Variants in SPOCK3 observed in about 807,000 individuals in gnomAD.
SPOCK3 encodes SPARC (osteonectin), cwcv and kazal like domains proteoglycan 3, also known as testican-3.
Under a neutral mutation model 56.6 loss-of-function variants are expected in SPOCK3, and 30 were observed. That is an observed-to-expected ratio of 0.53 (90% CI 0.40 to 0.72). SPOCK3 has a LOEUF of 0.72. Among genes scored for constraint, SPOCK3 ranks in the 30% least tolerant of loss-of-function variants. SPOCK3 has a pLI of 0.00. For missense variants in SPOCK3, 527 were observed against 530.0 expected, an observed-to-expected ratio of 0.99 and a Z score of 0.06; for synonymous variants, 196 against 183.3, an observed-to-expected ratio of 1.07 and a Z score of -0.56.
intron 6 of SPOCK3, among the ~76,000 whole-genome samples, chr4:166,871,255 T>A (rs1193036017): frequency 3.3e-5 from 5 of 151,766 alleles, no homozygotes; most frequent in Admixed American, 3.3e-4. Context: ...ATAAATAAAA[T>A]CAATGAAACC....
intron 7 of SPOCK3, among the ~76,000 whole-genome samples, 197 bp downstream of exon 7, chr4:166,791,973 C>T (rs552686063): frequency 6.6e-6 from 1 of 152,236 alleles, no homozygotes; most frequent in Non-Finnish European, 1.5e-5. Context: ...TTCCCTTTTC[C>T]TCCAATAAGA....
At chr4:166,915,636 T>C (rs974236888) in intron 4 of SPOCK3, among the ~76,000 whole-genome samples, 9 of 152,112 alleles carry the variant, frequency 5.9e-5, no homozygotes, top group African/African-American at 2.2e-4. Context: ...AGTCATTGTA[T>C]AGGTGAAGAT....
chr4:166,846,741 A>T (rs1748100874), intron 6 of SPOCK3, among the ~76,000 whole-genome samples: 1 of 152,246 alleles, frequency 6.6e-6, no homozygotes, highest in Non-Finnish European at 1.5e-5. Flanking sequence ...ATTTGGGTGT[A>T]ATTTCTTAGG....
chr4:166,976,556 CCTTT>C (rs1024879580), intron 4 of SPOCK3, among the ~76,000 whole-genome samples: 1 of 152,128 alleles, frequency 6.6e-6, no homozygotes, highest in African/African-American at 2.4e-5. Flanking sequence ...CAACCTACTT[CCTTT>C]CTTTATTTAG....
intron 3 of SPOCK3, among the ~76,000 whole-genome samples, chr4:167,057,515 C>T (rs896563695): frequency 6.6e-6 from 1 of 151,800 alleles, no homozygotes; most frequent in Non-Finnish European, 1.5e-5. Flanking sequence ...AGTCAAGACC[C>T]ATCAGTGTGC....
chr4:166,872,445 T>G (rs1049201856), intron 6 of SPOCK3, among the ~76,000 whole-genome samples: 8 of 152,102 alleles, frequency 5.3e-5, no homozygotes, highest in African/African-American at 1.9e-4. Flanking sequence ...AAAAACAAAC[T>G]ATACATATGG....
chr4:167,232,617 T>C (rs1383880933), intron 2 of SPOCK3, among the ~76,000 whole-genome samples: 1 of 152,220 alleles, frequency 6.6e-6, no homozygotes, highest in African/African-American at 2.4e-5. Flanking sequence ...TCCTTTTTGC[T>C]TGTACTCAAT....
At chr4:167,022,699 G>A (rs1751306903) in intron 3 of SPOCK3, among the ~76,000 whole-genome samples, 1 of 152,034 alleles carries the variant, frequency 6.6e-6, no homozygotes, top group African/African-American at 2.4e-5. Context: ...AATCCTATTA[G>A]AGTTTAGGGC....
At chr4:167,105,463 T>TAAAAAAAAAAAAAAAAAAAAAATAA (rs552028589) in intron 2 of SPOCK3, among the ~76,000 whole-genome samples, 1 of 98,684 alleles carries the variant, frequency 1.0e-5, no homozygotes, top group Non-Finnish European at 2.0e-5. Context: ...ACACAAAAAT[T>TAAAAAAAAAAAAAAAAAAAAAATAA]AAAAAAAAAA....
chr4:167,183,614 T>C (rs1177109817), intron 2 of SPOCK3, among the ~76,000 whole-genome samples: 1 of 152,224 alleles, frequency 6.6e-6, no homozygotes, highest in African/African-American at 2.4e-5. Flanking sequence ...GTGATATTCA[T>C]TGATGTTAGC....
At chr4:167,034,897 C>T (rs1752603219) in intron 3 of SPOCK3, among the ~76,000 whole-genome samples, 1 of 152,104 alleles carries the variant, frequency 6.6e-6, no homozygotes, top group Non-Finnish European at 1.5e-5. Flanking sequence ...TTTTGAGACT[C>T]TTCCTGTGTT....
intron 4 of SPOCK3, among the ~76,000 whole-genome samples, chr4:166,927,325 A>C (rs1302413040): frequency 1.3e-5 from 2 of 152,114 alleles, no homozygotes; most frequent in African/African-American, 4.8e-5. Flanking sequence ...TTCCTGTGGT[A>C]GTTCATGTGG....
At chr4:166,920,246 A>G (rs1215662661) in intron 4 of SPOCK3, among the ~76,000 whole-genome samples, 1 of 152,174 alleles carries the variant, frequency 6.6e-6, no homozygotes. Context: ...TAGGTTAAAA[A>G]TGACAGCATC....
chr4:166,774,952 C>G (rs771764028), intron 7 of SPOCK3, among the ~76,000 whole-genome samples: 2 of 152,196 alleles, frequency 1.3e-5, no homozygotes, highest in Non-Finnish European at 2.9e-5. Flanking sequence ...CAAATACCTT[C>G]ATATCATAGC....
chr4:166,831,587 T>G (rs1746061281), intron 6 of SPOCK3, among the ~76,000 whole-genome samples: 1 of 152,064 alleles, frequency 6.6e-6, no homozygotes, highest in Non-Finnish European at 1.5e-5. Context: ...TTGAAATTAG[T>G]TGTTCACAAC....
At chr4:167,115,699 T>TAG (rs1761272721) in intron 2 of SPOCK3, among the ~76,000 whole-genome samples, 1 of 151,988 alleles carries the variant, frequency 6.6e-6, no homozygotes, top group Non-Finnish European at 1.5e-5. Flanking sequence ...AGTAGGGAAA[T>TAG]ACGAGATGGT....
intron 4 of SPOCK3, among the ~76,000 whole-genome samples, chr4:166,982,616 G>T (rs1240697626): frequency 2.0e-5 from 3 of 151,974 alleles, no homozygotes; most frequent in African/African-American, 7.3e-5. Context: ...ACATTTTAGG[G>T]TTATCCATAT....
chr4:166,799,415 T>C (rs901924144), intron 6 of SPOCK3, among the ~76,000 whole-genome samples: 7 of 152,170 alleles, frequency 4.6e-5, no homozygotes, highest in African/African-American at 9.7e-5. Context: ...GAAGGCCGAA[T>C]ACCTGAGGAC....
At chr4:167,116,807 A>G (rs948654131) in intron 2 of SPOCK3, among the ~76,000 whole-genome samples, 1 of 139,290 alleles carries the variant, frequency 7.2e-6, no homozygotes. Flanking sequence ...ACATAAATAC[A>G]CATATAGATG....
Sources: allele counts gnomAD v4.1 joint callset (sites outside exome capture counted in the v4.1 genomes callset), GRCh38; gene constraint gnomAD v4.1.1; transcripts MANE v1.5; gene names NCBI Gene and HGNC (gene_info 2026-07-23, HGNC 2026-07-21).